Variants in CMYA5 observed in about 807,000 individuals in gnomAD.
CMYA5 encodes the protein cardiomyopathy-associated protein 5.
In CMYA5, 246 loss-of-function variants were observed where a neutral mutation model predicts 318.9. That is an observed-to-expected ratio of 0.77 (90% CI 0.70 to 0.86). CMYA5 has a LOEUF of 0.86. Ranked by LOEUF, CMYA5 falls within the 40% of genes least tolerant of loss-of-function variation. The pLI is 0.00. For synonymous variants in CMYA5, 1,641 were observed against 1,729.5 expected, an observed-to-expected ratio of 0.95 and a Z score of 1.27; for missense variants, 4,589 against 4,678.2, an observed-to-expected ratio of 0.98 and a Z score of 0.56.
chr5:79,727,612 A>G (rs1827774787), intron 1 of CMYA5, among the ~76,000 whole-genome samples: 1 of 152,220 alleles, frequency 6.6e-6, no homozygotes, highest in Non-Finnish European at 1.5e-5. Flanking sequence ...TTATGAAGTG[A>G]TGGCAAACGC....
chr5:79,773,370 T>A (rs939448615), intron 9 of CMYA5, among the ~76,000 whole-genome samples: 1 of 152,234 alleles, frequency 6.6e-6, no homozygotes, highest in East Asian at 1.9e-4. Context: ...GAATTAATTG[T>A]AGTGCTTGGA....
At chr5:79,798,645 C>T (rs1249345417) in intron 12 of CMYA5, among the ~76,000 whole-genome samples, 1 of 152,152 alleles carries the variant, frequency 6.6e-6, no homozygotes, top group Non-Finnish European at 1.5e-5. Flanking sequence ...CTGCTCCATA[C>T]AGTATGGGAT....
At position 79,734,898 on chromosome 5, in the gene CMYA5, G is replaced by A. The variant is rs761485365; in HGVS notation, c.6133G>A (p.Glu2045Lys). The A allele has an allele frequency of 6.2e-7, 1 of 1,613,784 alleles. No individual in the cohort carries two copies. Among genetic ancestry groups the A allele is most frequent in the Non-Finnish European group, 8.5e-7 (1 of 1,179,786 alleles). ...DSQEKIKLPP[E>K]RFFQKPVSGL... ...CCAGGAAAAAATTAAACTACCTCCT[G>A]AAAGATTCTTCCAGAAACCAGTGTC... Residue 2045 changes from glutamate to lysine, a missense_variant, in exon 2 of 13, where the codon GAA becomes AAA. Glu to Lys is a moderately conservative substitution (Grantham distance 56). Around this residue, in one of 3 missense-constraint regions of CMYA5, gnomAD observed 2,431 missense variants for 2,495.1 expected, o/e 0.97. Coordinates refer to ENST00000446378, the MANE Select transcript of CMYA5 (RefSeq NM_153610.5).
At chr5:79,709,951 A>G (rs1165016156) in intron 1 of CMYA5, among the ~76,000 whole-genome samples, 1 of 109,068 alleles carries the variant, frequency 9.2e-6, no homozygotes, top group African/African-American at 3.9e-5. Context: ...ACAGAGTGAG[A>G]CTCCATCTCA....
At chr5:79,788,406 A>AC (rs1240619657) in intron 9 of CMYA5, among the ~76,000 whole-genome samples, 9 of 151,908 alleles carry the variant, frequency 5.9e-5, no homozygotes, top group Admixed American at 3.3e-4. Context: ...CCAATTAGAC[A>AC]CCACTATCAG....
At chr5:79,758,053 A>AC (rs1277760473) in intron 6 of CMYA5, among the ~76,000 whole-genome samples, 1 of 151,882 alleles carries the variant, frequency 6.6e-6, no homozygotes, top group Non-Finnish European at 1.5e-5. Context: ...AATATGGTGA[A>AC]CCCCCACCTC....
intron 2 of CMYA5, among the ~76,000 whole-genome samples, chr5:79,739,808 C>A (rs1828174496): frequency 6.6e-6 from 1 of 151,886 alleles, no homozygotes; most frequent in Non-Finnish European, 1.5e-5. Flanking sequence ...CATGGGGAGA[C>A]CTTGTCTCTA....
At chr5:79,746,058 G>A (rs1828316046) in intron 4 of CMYA5, among the ~76,000 whole-genome samples, 2 of 152,180 alleles carry the variant, frequency 1.3e-5, no homozygotes, top group South Asian at 4.1e-4. Flanking sequence ...CATTGCACCA[G>A]CAGAGACACC....
chr5:79,731,020 CCT>C lies in CMYA5; in HGVS notation c.2263_2264del (p.Ser755ThrfsTer9), dbSNP rs1170919197. 6.2e-7 allele frequency: 1 copy of C among 1,613,550 alleles called. No homozygotes were observed. The highest frequency in any genetic ancestry group is 1.7e-5 in the Admixed American group (1 of 59,984). On this transcript the variant is annotated frameshift_variant, in exon 2 of 13. Transcript: ENST00000446378. LOFTEE classifies it high-confidence loss of function. The stretch of plus-strand genomic sequence containing the variant: ...CCAGCTGTGGCCCCTGCTTCTGAGC[CCT>C]CTCTCTCACCATCCACAACCGAAAA...
chr5:79,798,447 T>C (rs1829310426), intron 12 of CMYA5, among the ~76,000 whole-genome samples: 1 of 152,180 alleles, frequency 6.6e-6, no homozygotes, highest in African/African-American at 2.4e-5. Flanking sequence ...CAAACTTGTG[T>C]TACTTTTTTA....
At chr5:79,706,762 C>T (rs1050864277) in intron 1 of CMYA5, among the ~76,000 whole-genome samples, 2 of 152,334 alleles carry the variant, frequency 1.3e-5, no homozygotes, top group East Asian at 3.9e-4. Flanking sequence ...CTCATTCTGG[C>T]AGTGCAACCT....
At chr5:79,693,050 G>C (rs909128098) in intron 1 of CMYA5, among the ~76,000 whole-genome samples, 2 of 152,214 alleles carry the variant, frequency 1.3e-5, no homozygotes, top group African/African-American at 4.8e-5. Flanking sequence ...AGGTGTGTAT[G>C]AAGCACCTCA....
At chr5:79,754,950 T>A (rs1828499208) in intron 6 of CMYA5, among the ~76,000 whole-genome samples, 1 of 152,244 alleles carries the variant, frequency 6.6e-6, no homozygotes, top group South Asian at 2.1e-4. Flanking sequence ...GTGACTGGTT[T>A]GTTTAACTTA....
intron 2 of CMYA5, among the ~76,000 whole-genome samples, chr5:79,743,413 T>C (rs1236233048): frequency 6.6e-6 from 1 of 152,130 alleles, no homozygotes; most frequent in African/African-American, 2.4e-5. Context: ...GCCATTAGTA[T>C]AAATGTGAAG....
At chr5:79,694,574 C>T (rs918066715) in intron 1 of CMYA5, among the ~76,000 whole-genome samples, 1 of 152,202 alleles carries the variant, frequency 6.6e-6, no homozygotes, top group Admixed American at 6.5e-5. Flanking sequence ...TTAAAAATCA[C>T]CTTCAATTGC....
intron 2 of CMYA5, among the ~76,000 whole-genome samples, chr5:79,741,885 T>C (rs1828214246): frequency 1.3e-5 from 2 of 152,166 alleles, no homozygotes; most frequent in Non-Finnish European, 1.5e-5. Context: ...TGATCTTCTC[T>C]AAACAGTATG....
Position 79,730,673 on chromosome 5 carries a change from G to C in CMYA5, c.1908G>C (p.Glu636Asp). The C allele has an allele frequency of 6.2e-7, 1 of 1,613,940 alleles. No individual in the cohort carries two copies. The change falls in exon 2 of 13, where the codon GAG (glutamate) becomes GAC (aspartate). Residue 636 changes from glutamate (E) to aspartate (D), a missense_variant. By Grantham distance (45) the Glu-to-Asp change is conservative. Transcript: ENST00000446378. ...CAGTTTTGTCAGAAGAAGAGAATGAGGAATTTGAGGCTTATTCCCCAGCTG... is the reference window on the plus strand; with the variant it reads ...CAGTTTTGTCAGAAGAAGAGAATGACGAATTTGAGGCTTATTCCCCAGCTG... ...EHAVLSEEEN[E>D]EFEAYSPAAA...
chr5:79,751,427 G>A (rs1347300114), intron 5 of CMYA5, among the ~76,000 whole-genome samples: 1 of 152,006 alleles, frequency 6.6e-6, no homozygotes, highest in Non-Finnish European at 1.5e-5. Flanking sequence ...TTAATACCCA[G>A]CCCAAATGTT....
chr5:79,798,890 A>G (rs1473312869), intron 12 of CMYA5, among the ~76,000 whole-genome samples: 2 of 152,232 alleles, frequency 1.3e-5, no homozygotes, highest in African/African-American at 2.4e-5. Context: ...TGGCAAAATA[A>G]TGAAATATTC....
Sources: allele counts gnomAD v4.1 joint callset (sites outside exome capture counted in the v4.1 genomes callset), GRCh38; gene constraint gnomAD v4.1.1; regional missense constraint gnomAD v4.1.1; transcripts MANE v1.5; gene names NCBI Gene and HGNC (gene_info 2026-07-23, HGNC 2026-07-21).